Variants in CHST11 observed in about 807,000 individuals in gnomAD.
CHST11 encodes C4S-1.
CHST11 carries 9 observed loss-of-function variants against 30.4 expected under a neutral mutation model. The observed-to-expected ratio is 0.30, with a 90% confidence interval of 0.18 to 0.52. The LOEUF (loss-of-function observed/expected upper bound fraction) is 0.52. Ranked by LOEUF, CHST11 falls within the 20% of genes least tolerant of loss-of-function variation. The probability of loss-of-function intolerance (pLI) is 0.97; values close to 1 mark genes in which losing one functional copy is unlikely to be tolerated. For missense variants in CHST11, 348 were observed against 460.6 expected, an observed-to-expected ratio of 0.76 and a Z score of 2.24; for synonymous variants, 152 against 187.8, an observed-to-expected ratio of 0.81 and a Z score of 1.56.
chr12:104,715,329 A>G (rs905285921), intron 2 of CHST11, among the ~76,000 whole-genome samples: 2 of 152,192 alleles, frequency 1.3e-5, no homozygotes, highest in Non-Finnish European at 2.9e-5. Flanking sequence ...AGCCGAGATC[A>G]TGCCACGGCA....
In CHST11 at chr12:104,659,809, A is replaced by T. The variant is rs534765059; in HGVS notation, c.204+57818A>T. Among the ~76,000 whole-genome samples the T allele has an allele frequency of 8.0e-4, 114 of 142,198 alleles. 1 individual carries two copies. The South Asian group carries it at 0.02, about 25-fold the overall frequency. 93.3% of individuals were successfully genotyped at this position (142,198 alleles called of 152,430 possible). A position where few individuals can be genotyped will look rare whatever the true frequency, so the allele number is the denominator to read the frequency against. ...AGTGAGACCCCCCCCCGCCCCCACC[A>T]TCTCTACAAATAATTTTTAAAAATT... is the stretch of plus-strand genomic sequence containing the variant. On this transcript the variant is annotated intron_variant, in intron 2 of 2. Transcript: ENST00000303694.
intron 2 of CHST11, among the ~76,000 whole-genome samples, chr12:104,639,253 TATTACAGGTTGAAG>T (rs2039352616): frequency 6.6e-6 from 1 of 152,078 alleles, no homozygotes; most frequent in African/African-American, 2.4e-5. Flanking sequence ...CATACTTGTG[TATTACAGGTTGAAG>T]ATTAAGATGG....
At chr12:104,750,577 G>A (rs1334125966) in intron 2 of CHST11, among the ~76,000 whole-genome samples, 2 of 151,322 alleles carry the variant, frequency 1.3e-5, no homozygotes, top group African/African-American at 4.9e-5. Context: ...CCCAGTAGCT[G>A]GGAGTACAGG....
intron 2 of CHST11, among the ~76,000 whole-genome samples, chr12:104,755,619 C>T (rs1026707900): frequency 5.3e-5 from 8 of 152,076 alleles, no homozygotes; most frequent in African/African-American, 1.7e-4. Context: ...AACCCCGTCT[C>T]TACTAAAAAT....
intron 1 of CHST11, among the ~76,000 whole-genome samples, chr12:104,554,350 C>G (rs2038434209): frequency 6.6e-6 from 1 of 152,104 alleles, no homozygotes; most frequent in Admixed American, 6.5e-5. Flanking sequence ...GGCCAAGAGA[C>G]AGGGGGCACC....
At chr12:104,518,301 A>G (rs1216167828) in intron 1 of CHST11, among the ~76,000 whole-genome samples, 3 of 152,078 alleles carry the variant, frequency 2.0e-5, no homozygotes, top group Admixed American at 6.5e-5. Flanking sequence ...AAATAAACAT[A>G]AAAATAAAGA....
At position 104,759,014 on chromosome 12, in the gene CHST11, T is replaced by G. The variant is rs2040502702; in HGVS notation, c.*1211T>G. The stretch of plus-strand genomic sequence containing the variant: ...GGAACACTCCTCAAGTGCCTCCTAC[T>G]GTCATCTCCATTCAGCCTAGCACCA... On this transcript the variant is annotated 3_prime_UTR_variant, in exon 3 of 3. Transcript: ENST00000303694. 1 of 152,282 alleles carries G rather than the reference T, an allele frequency of 6.6e-6. No homozygotes were observed. The highest frequency in any genetic ancestry group is 1.5e-5 in the Non-Finnish European group (1 of 68,078). The allele number at this position is 152,282 out of a possible 1,614,324, so 9.4% of individuals were successfully genotyped here. A position where few individuals can be genotyped will look rare whatever the true frequency, so the allele number is the denominator to read the frequency against.
At chr12:104,595,931 C>A (rs772491397) in intron 1 of CHST11, among the ~76,000 whole-genome samples, 1 of 152,192 alleles carries the variant, frequency 6.6e-6, no homozygotes, top group Non-Finnish European at 1.5e-5. Context: ...CTGGAACTTA[C>A]TTGGTTTTAG....
intron 1 of CHST11, among the ~76,000 whole-genome samples, chr12:104,528,023 G>A (rs142845073): frequency 1.8e-4 from 27 of 152,310 alleles, no homozygotes; most frequent in South Asian, 6.2e-4. Flanking sequence ...CCCTTGACAC[G>A]TGGGGACTAC....
intron 2 of CHST11, among the ~76,000 whole-genome samples, chr12:104,756,451 A>G (rs1211232066): frequency 6.6e-6 from 1 of 152,086 alleles, no homozygotes; most frequent in Non-Finnish European, 1.5e-5. Flanking sequence ...GGCACCTCCT[A>G]GACTATGAGT....
intron 2 of CHST11, among the ~76,000 whole-genome samples, chr12:104,683,754 C>T (rs759472791): frequency 5.9e-5 from 9 of 152,064 alleles, no homozygotes; most frequent in Admixed American, 3.9e-4. Flanking sequence ...GGCGCATTGC[C>T]GGGCAGTGAG....
At chr12:104,683,414 C>G (rs2039816545) in intron 2 of CHST11, among the ~76,000 whole-genome samples, 1 of 152,200 alleles carries the variant, frequency 6.6e-6, no homozygotes. Flanking sequence ...CACTTCGAAT[C>G]ACATTTTGGA....
At chr12:104,569,944 G>A (rs11112104) in intron 1 of CHST11, among the ~76,000 whole-genome samples, 2,710 of 152,206 alleles carry the variant, frequency 0.018, 149 homozygotes, top group East Asian at 0.17. Flanking sequence ...TCAGAGTGCT[G>A]GGCCATCTGA....
intron 2 of CHST11, among the ~76,000 whole-genome samples, chr12:104,667,819 A>G (rs2039655201): frequency 6.6e-6 from 1 of 152,222 alleles, no homozygotes; most frequent in East Asian, 1.9e-4. Context: ...TTGCAGCTGC[A>G]CATCCAAAGC....
intron 1 of CHST11, among the ~76,000 whole-genome samples, chr12:104,467,755 C>T (rs774365920): frequency 1.4e-4 from 22 of 152,142 alleles, no homozygotes; most frequent in Non-Finnish European, 4.4e-5. Flanking sequence ...CTGTTAACTT[C>T]GAAGAATCTC....
At chr12:104,700,439 G>A (rs1445533832) in intron 2 of CHST11, among the ~76,000 whole-genome samples, 1 of 152,102 alleles carries the variant, frequency 6.6e-6, no homozygotes, top group African/African-American at 2.4e-5. Flanking sequence ...TTACTATGGT[G>A]GTCAAAAGAG....
intron 1 of CHST11, among the ~76,000 whole-genome samples, chr12:104,557,373 T>TAA (rs1386039792): frequency 1.3e-5 from 2 of 152,082 alleles, no homozygotes; most frequent in East Asian, 3.9e-4. Flanking sequence ...TAGGCCTTGG[T>TAA]AAAGGCTTTG....
At chr12:104,621,226 G>T (rs1225145975) in intron 2 of CHST11, among the ~76,000 whole-genome samples, 1 of 152,196 alleles carries the variant, frequency 6.6e-6, no homozygotes, top group Non-Finnish European at 1.5e-5. Context: ...CTAGGCAAAG[G>T]ATCTGTTTGG....
intron 2 of CHST11, among the ~76,000 whole-genome samples, chr12:104,602,863 C>T (rs1415565991): frequency 2.6e-5 from 4 of 152,104 alleles, no homozygotes; most frequent in African/African-American, 4.8e-5. Flanking sequence ...AATGCACGGG[C>T]CTCAAAGGTG....
Sources: gnomAD v4.1 joint callset for allele counts (sites outside exome capture counted in the v4.1 genomes callset) on GRCh38, gnomAD v4.1.1 for gene constraint, MANE v1.5 for transcripts, NCBI Gene and HGNC (gene_info 2026-07-23, HGNC 2026-07-21) for gene names.